HCN1: variants seen among roughly 807,000 people sequenced by gnomAD.
The protein encoded by HCN1 is potassium/sodium hyperpolarization-activated cyclic nucleotide-gated channel 1.
In HCN1, 13 loss-of-function variants were observed where a neutral mutation model predicts 78.9. That is an observed-to-expected ratio of 0.16 (90% CI 0.11 to 0.26). HCN1 has a LOEUF of 0.26. HCN1 is among the 10% of genes least tolerant of loss of function. HCN1 has a pLI of 1.00. For synonymous variants in HCN1, 552 were observed against 455.5 expected, an observed-to-expected ratio of 1.21 and a Z score of -2.70; for missense variants, 810 against 1,154.3, an observed-to-expected ratio of 0.70 and a Z score of 4.32.
intron 1 of HCN1, among the ~76,000 whole-genome samples, chr5:45,687,025 C>G (rs1366135357): frequency 6.6e-6 from 1 of 152,066 alleles, no homozygotes; most frequent in Non-Finnish European, 1.5e-5. Flanking sequence ...TTCTGAATAT[C>G]TTTATTTAAA....
At chr5:45,472,126 C>G (rs1289908848) in intron 2 of HCN1, among the ~76,000 whole-genome samples, 1 of 151,864 alleles carries the variant, frequency 6.6e-6, no homozygotes, top group Non-Finnish European at 1.5e-5. Flanking sequence ...GTATTCCAAG[C>G]TTAAGGCAAA....
chr5:45,518,734 A>G (rs1742559949), intron 2 of HCN1, among the ~76,000 whole-genome samples: 1 of 152,024 alleles, frequency 6.6e-6, no homozygotes, highest in Non-Finnish European at 1.5e-5. Context: ...GAAAGAATAC[A>G]GTTAGATAAT....
chr5:45,496,308 C>A (rs1258404514), intron 2 of HCN1, among the ~76,000 whole-genome samples: 1 of 151,268 alleles, frequency 6.6e-6, no homozygotes, highest in Non-Finnish European at 1.5e-5. Flanking sequence ...AGAGATTCAA[C>A]TTCTTCCTGG....
intron 2 of HCN1, among the ~76,000 whole-genome samples, chr5:45,625,111 G>T (rs933397839): frequency 6.6e-6 from 1 of 151,912 alleles, no homozygotes; most frequent in African/African-American, 2.4e-5. Context: ...AGCTCTTTGG[G>T]AGCCAACATA....
intron 6 of HCN1, among the ~76,000 whole-genome samples, chr5:45,300,239 A>T (rs936883688): frequency 6.6e-6 from 1 of 152,002 alleles, no homozygotes; most frequent in South Asian, 2.1e-4. Context: ...TGACTCAAAG[A>T]CTTTTCCTCC....
chr5:45,663,161 C>T (rs1024745046), intron 1 of HCN1, among the ~76,000 whole-genome samples: 5 of 137,348 alleles, frequency 3.6e-5, no homozygotes, highest in African/African-American at 1.1e-4. Flanking sequence ...CGCATATCTA[C>T]AACTATCTGA....
intron 7 of HCN1, among the ~76,000 whole-genome samples, chr5:45,265,308 T>C (rs1353328861): frequency 2.0e-5 from 3 of 152,188 alleles, no homozygotes; most frequent in African/African-American, 7.2e-5. Flanking sequence ...GTCTAGCTGG[T>C]TTAGGAAGAA....
At chr5:45,682,510 C>A (rs1580048589) in intron 1 of HCN1, among the ~76,000 whole-genome samples, 1 of 151,192 alleles carries the variant, frequency 6.6e-6, no homozygotes, top group Non-Finnish European at 1.5e-5. Context: ...ATATAAAAAC[C>A]AAAGTTAAGC....
chr5:45,499,552 C>A (rs542465326), intron 2 of HCN1, among the ~76,000 whole-genome samples: 1 of 152,266 alleles, frequency 6.6e-6, no homozygotes, highest in East Asian at 1.9e-4. Flanking sequence ...CCGTCTTCTG[C>A]GTCGCTTACG....
intron 2 of HCN1, among the ~76,000 whole-genome samples, chr5:45,614,244 A>T (rs1318140819): frequency 1.3e-5 from 2 of 152,154 alleles, no homozygotes; most frequent in Admixed American, 6.6e-5. Flanking sequence ...TGTATCCTGG[A>T]AGATGATGAA....
Position 45,326,788 on chromosome 5 carries a change from C to T in HCN1, c.1378-22949G>A, listed in dbSNP as rs114710289. On this transcript the variant is annotated intron_variant, in intron 5 of 7. Transcript: ENST00000303230. The stretch of plus-strand genomic sequence containing the variant: ...TTAATTTGGCCCTGAGGTATTTAAT[C>T]ACATAGAAACTTTACAATACACATG... 6.9e-3 allele frequency among the ~76,000 whole-genome samples: 1,048 copies of T among 151,604 alleles called. 16 individuals are homozygous for T. The highest frequency in any genetic ancestry group is 0.024 in the African/African-American group (998 of 41,464).
intron 3 of HCN1, among the ~76,000 whole-genome samples, chr5:45,454,411 C>T (rs1327455453): frequency 4.0e-5 from 6 of 150,560 alleles, no homozygotes; most frequent in African/African-American, 1.5e-4. Flanking sequence ...ATAGGAGCTA[C>T]GAAGGCATTT....
In HCN1 at chr5:45,346,662, A is replaced by C. The variant is rs537386884; in HGVS notation, c.1377+6438T>G. On this transcript the variant is annotated intron_variant, in intron 5 of 7. Transcript: ENST00000303230. ...TGGAAAATCGGGTCACTCCCACCCTAATACTGCGCTTTTCTGATGGGCTTA... is the reference window on the plus strand; with the variant it reads ...TGGAAAATCGGGTCACTCCCACCCTCATACTGCGCTTTTCTGATGGGCTTA... Among the ~76,000 whole-genome samples the C allele has an allele frequency of 2.1e-4, 32 of 152,306 alleles. No homozygotes were observed. The South Asian group carries it at 6.4e-3, about 31-fold the overall frequency.
intron 4 of HCN1, among the ~76,000 whole-genome samples, chr5:45,360,007 T>C: frequency 6.6e-6 from 1 of 150,812 alleles, no homozygotes; most frequent in East Asian, 1.9e-4. Context: ...CAATTTGAAA[T>C]GATAATATCT....
intron 1 of HCN1, among the ~76,000 whole-genome samples, chr5:45,652,635 G>A (rs1458704595): frequency 3.3e-5 from 5 of 151,880 alleles, no homozygotes; most frequent in Non-Finnish European, 7.4e-5. Context: ...TATATATCCT[G>A]TATAGTTAGT....
chr5:45,694,327 A>T (rs1434310051), intron 1 of HCN1, among the ~76,000 whole-genome samples: 2 of 152,200 alleles, frequency 1.3e-5, no homozygotes, highest in Non-Finnish European at 2.9e-5. Context: ...TCTAAAATCC[A>T]TTCACTCTTT....
chr5:45,481,297 C>A (rs896046750), intron 2 of HCN1, among the ~76,000 whole-genome samples: 1 of 152,196 alleles, frequency 6.6e-6, no homozygotes, highest in Non-Finnish European at 1.5e-5. Context: ...TTCTTCCTGT[C>A]AGGAAACAGA....
At chr5:45,593,778 A>C (rs1360927048) in intron 2 of HCN1, among the ~76,000 whole-genome samples, 2 of 151,980 alleles carry the variant, frequency 1.3e-5, no homozygotes. Context: ...CGGTTCAAGC[A>C]ATTCTCCTGC....
chr5:45,593,322 C>CT (rs1744418807), intron 2 of HCN1, among the ~76,000 whole-genome samples: 4 of 123,728 alleles, frequency 3.2e-5, no homozygotes, highest in African/African-American at 1.3e-4. Flanking sequence ...TCTCTCTCTC[C>CT]CTCTCTCTCT....
Sources: allele counts gnomAD v4.1 joint callset (sites outside exome capture counted in the v4.1 genomes callset), GRCh38; gene constraint gnomAD v4.1.1; transcripts MANE v1.5; gene names NCBI Gene and HGNC (gene_info 2026-07-23, HGNC 2026-07-21).